Variants in UROS observed in about 807,000 individuals in gnomAD.
The protein encoded by UROS is uroporphyrinogen-III synthase.
UROS carries 18 observed loss-of-function variants against 33.0 expected under a neutral mutation model. That is an observed-to-expected ratio of 0.55 (90% confidence interval 0.38 to 0.81). UROS has a LOEUF of 0.81. UROS is among the 30% of genes least tolerant of loss of function. The pLI is 0.00. For missense variants in UROS, 293 were observed against 314.9 expected, an observed-to-expected ratio of 0.93 and a Z score of 0.53; for synonymous variants, 114 against 121.1, an observed-to-expected ratio of 0.94 and a Z score of 0.38.
chr10:125,816,658 C>T lies in UROS; in HGVS notation c.-26-133G>A, dbSNP rs1027190165. On this transcript the variant is annotated intron_variant, in intron 1 of 9. Transcript: ENST00000368797. The stretch of plus-strand genomic sequence containing the variant: ...GAGACCTATCCCTCCTACACCATGA[C>T]TTAGCACTAATGGGCTTGTTCTTTC... 3.6e-6 allele frequency: 3 copies of T among 830,310 alleles called. No homozygotes were observed. In the African/African-American group the frequency reaches 5.0e-5, roughly 14 times the overall value. 51.4% of individuals were successfully genotyped at this position (830,310 alleles called of 1,614,324 possible).
At chr10:125,812,069 T>C in intron 5 of UROS, 145 bp downstream of exon 5, 1 of 707,074 alleles carries the variant, frequency 1.4e-6, no homozygotes. Context: ...TTTCACTGCA[T>C]TCTTATCAGT....
rs562804240 is a variant in UROS at position 125,809,620 on chromosome 10, T to C, written c.320-2133A>G. On this transcript the variant is annotated intron_variant, in intron 5 of 9. Coordinates refer to ENST00000368797, the MANE Select transcript of UROS (RefSeq NM_000375.3). Reference sequence around the variant, plus strand: ...ACAACATTGATAAGGAAAAAAAAATTTGTTTCATTATATATCATTTCACTT... The same window carrying C: ...ACAACATTGATAAGGAAAAAAAAATCTGTTTCATTATATATCATTTCACTT... 8.5e-5 allele frequency among the ~76,000 whole-genome samples: 13 copies of C among 152,324 alleles called. No homozygotes were observed. In the South Asian group the frequency reaches 2.5e-3, roughly 29 times the overall value.
Position 125,794,959 on chromosome 10 carries a change from G to T in UROS, c.581C>A (p.Thr194Lys). Residue 194 changes from threonine (T) to lysine (K), a missense_variant, in exon 9 of 10, where the codon ACA becomes AAA. Physicochemically the swap from Thr to Lys is moderately conservative, Grantham distance 78 (BLOSUM62 -1). Transcript: ENST00000368797. ...YSQQGVPASI[T>K]FFSPSGLTYS... ...TGTGAGGCCAGAGGGACTAAAAAAT[G>T]TGATGCTGGCTGGAACCCCCTGTGG... 1 of 1,614,184 alleles carries T rather than the reference G, an allele frequency of 6.2e-7. No individual in the cohort carries two copies.
At position 125,816,166 on chromosome 10, in the gene UROS, A is replaced by G; in HGVS notation, c.147+11T>C. On this transcript the variant is annotated intron_variant, in intron 3 of 9. Transcript: ENST00000368797. ...AACACTAACATGGTGCTCAGTCACAACAGGCCTTACCTTCTCAGAGAAACT... is the reference window on the plus strand; with the variant it reads ...AACACTAACATGGTGCTCAGTCACAGCAGGCCTTACCTTCTCAGAGAAACT... The G allele has an allele frequency of 6.2e-7, 1 of 1,613,206 alleles. No homozygotes were observed. Among genetic ancestry groups the G allele is most frequent in the Non-Finnish European group, 8.5e-7 (1 of 1,179,108 alleles).
At chr10:125,801,778 T>TA (rs1260795433) in intron 6 of UROS, among the ~76,000 whole-genome samples, 1 of 152,244 alleles carries the variant, frequency 6.6e-6, no homozygotes, top group African/African-American at 2.4e-5. Flanking sequence ...AACCAAGCCT[T>TA]GAGTCAGTTA....
chr10:125,802,362 T>C (rs1851912715), intron 6 of UROS: 1 of 985,694 alleles, frequency 1.0e-6, no homozygotes, highest in African/African-American at 1.7e-5. Flanking sequence ...AACACCTGGC[T>C]GAATAAAAGA....
intron 9 of UROS, chr10:125,792,561 G>C (rs1403342096): frequency 6.6e-6 from 1 of 152,250 alleles, no homozygotes; most frequent in African/African-American, 2.4e-5. Context: ...TGGTGGTGGT[G>C]ATTACGAATC....
At chr10:125,794,121 T>C (rs1055141216) in intron 9 of UROS, 3 of 154,594 alleles carry the variant, frequency 1.9e-5, no homozygotes, top group South Asian at 2.1e-4. Flanking sequence ...TGGCTGACAA[T>C]GTGGAATCAG....
At chr10:125,795,584 A>G (rs1465032459) in intron 8 of UROS, among the ~76,000 whole-genome samples, 2 of 151,270 alleles carry the variant, frequency 1.3e-5, no homozygotes, top group Non-Finnish European at 2.9e-5. Flanking sequence ...TTCAATCCAG[A>G]CTCCTTGGTG....
chr10:125,794,827 TAAAAA>T, intron 9 of UROS, 48 bp downstream of exon 9: 1 of 1,315,686 alleles, frequency 7.6e-7, no homozygotes, highest in Non-Finnish European at 1.1e-6. Flanking sequence ...TCATAAAGAT[TAAAAA>T]AAAAAAAAAG....
intron 1 of UROS, among the ~76,000 whole-genome samples, chr10:125,818,856 A>G (rs555812569): frequency 2.5e-4 from 38 of 152,248 alleles, no homozygotes; most frequent in African/African-American, 8.7e-4. Flanking sequence ...AACAATTTCA[A>G]TTTTACCCAG....
At chr10:125,803,095 G>C in intron 6 of UROS, 1 of 1,606,904 alleles carries the variant, frequency 6.2e-7, no homozygotes, top group South Asian at 1.1e-5. Context: ...GAGCAAGGGA[G>C]ACAGGAAGAG....
At chr10:125,804,922 C>T (rs1255136822) in intron 6 of UROS, among the ~76,000 whole-genome samples, 2 of 152,234 alleles carry the variant, frequency 1.3e-5, no homozygotes, top group Non-Finnish European at 2.9e-5. Flanking sequence ...AGTTAAACTC[C>T]TCTTCAGTCC....
intron 6 of UROS, among the ~76,000 whole-genome samples, chr10:125,805,944 C>T (rs565225510): frequency 6.6e-6 from 1 of 152,192 alleles, no homozygotes; most frequent in Admixed American, 6.5e-5. Flanking sequence ...ATCCACTGAG[C>T]CCAGCAGTAT....
At chr10:125,803,458 T>C (rs1312727923) in intron 6 of UROS, among the ~76,000 whole-genome samples, 2 of 152,206 alleles carry the variant, frequency 1.3e-5, no homozygotes, top group Non-Finnish European at 2.9e-5. Flanking sequence ...CCCCAGGCCC[T>C]GCTCTTAGAC....
At chr10:125,821,349 A>G (rs1008921120) in intron 1 of UROS, among the ~76,000 whole-genome samples, 2 of 152,244 alleles carry the variant, frequency 1.3e-5, no homozygotes, top group South Asian at 2.1e-4. Context: ...CATGGGATAA[A>G]CTTTGAAGAC....
chr10:125,816,437 CCT>C lies in UROS; in HGVS notation c.61_62del (p.Arg21GlyfsTer8). 6.2e-7 allele frequency: 1 copy of C among 1,614,164 alleles called. No homozygotes were observed. The highest frequency in any genetic ancestry group is 8.5e-7 in the Non-Finnish European group (1 of 1,180,026). Reference sequence around the variant, plus strand: ...GGATAAGGAGTCTCAGGCCACTTACCCTGATATACGGATCCTGGCCACAGTCA... The same window carrying C: ...GGATAAGGAGTCTCAGGCCACTTACCGATATACGGATCCTGGCCACAGTCA... ...EDDCGQDPYI[R>X]ELGLYGLEAT... On this transcript the variant is annotated frameshift_variant and splice_region_variant, in exon 2 of 10. Transcript: ENST00000368797. LOFTEE classifies it high-confidence loss of function.
chr10:125,795,057 A>G, intron 8 of UROS, 79 bp from the exon 9 acceptor site: 1 of 1,397,512 alleles, frequency 7.2e-7, no homozygotes, highest in Non-Finnish European at 1.0e-6. Context: ...CATCCGCATC[A>G]AGACCTCAAG....
intron 1 of UROS, among the ~76,000 whole-genome samples, chr10:125,820,165 T>C (rs1174615266): frequency 1.3e-5 from 2 of 152,174 alleles, no homozygotes; most frequent in Admixed American, 6.5e-5. Context: ...ATGGCATATA[T>C]TTACATCTAG....
Sources: allele counts gnomAD v4.1 joint callset (sites outside exome capture counted in the v4.1 genomes callset), GRCh38; gene constraint gnomAD v4.1.1; transcripts MANE v1.5; gene names NCBI Gene and HGNC (gene_info 2026-07-23, HGNC 2026-07-21).